METTL15: variants seen among roughly 807,000 people sequenced by gnomAD.
The protein encoded by METTL15 is 12S rRNA N(4)-cytidine methyltransferase METTL15.
METTL15 carries 34 observed loss-of-function variants against 38.3 expected under a neutral mutation model. The observed-to-expected ratio is 0.89, with a 90% CI of 0.68 to 1.18. METTL15 has a LOEUF of 1.18. Among genes scored for constraint, METTL15 ranks in the 50% most tolerant of loss-of-function variants. The probability of loss-of-function intolerance (pLI) is 0.00; values close to 1 mark genes in which losing one functional copy is unlikely to be tolerated. For missense variants in METTL15, 438 were observed against 498.4 expected (o/e 0.88, Z 1.15); for synonymous variants, 162 against 170.9 (o/e 0.95, Z 0.41).
chr11:28,218,847 A>G (rs1401184217), intron 4 of METTL15, among the ~76,000 whole-genome samples: 1 of 152,132 alleles, frequency 6.6e-6, no homozygotes, highest in Non-Finnish European at 1.5e-5. Flanking sequence ...TTCTGTTTAT[A>G]TGCTGGAATA....
At chr11:28,381,885 G>A (rs1231978544) in intron 5 of METTL15, among the ~76,000 whole-genome samples, 1 of 151,710 alleles carries the variant, frequency 6.6e-6, no homozygotes, top group Non-Finnish European at 1.5e-5. Flanking sequence ...TTGTCCACTT[G>A]GGAAGGTCAA....
intron 3 of METTL15, among the ~76,000 whole-genome samples, chr11:28,139,455 A>G (rs1849622949): frequency 1.3e-5 from 2 of 152,340 alleles, no homozygotes; most frequent in Middle Eastern, 3.4e-3. Flanking sequence ...GGGATGGTGC[A>G]GACCATGGGT....
intron 6 of METTL15, among the ~76,000 whole-genome samples, chr11:28,455,996 G>A (rs1203067963): frequency 1.3e-5 from 2 of 152,036 alleles, no homozygotes; most frequent in Non-Finnish European, 1.5e-5. Flanking sequence ...ATGAGCCACC[G>A]CGCCTGGCCT....
At chr11:28,241,877 T>TG (rs1854314877) in intron 4 of METTL15, among the ~76,000 whole-genome samples, 1 of 152,210 alleles carries the variant, frequency 6.6e-6, no homozygotes, top group African/African-American at 2.4e-5. Flanking sequence ...TGTGCTCAGA[T>TG]GACAGATCAT....
intron 4 of METTL15, among the ~76,000 whole-genome samples, chr11:28,280,659 C>G (rs1261901332): frequency 1.4e-5 from 2 of 139,526 alleles, no homozygotes; most frequent in Non-Finnish European, 3.0e-5. Flanking sequence ...CTCACCATGT[C>G]TCTTATGCTT....
At chr11:28,501,755 C>T (rs1305043191) in intron 6 of METTL15, among the ~76,000 whole-genome samples, 1 of 152,162 alleles carries the variant, frequency 6.6e-6, no homozygotes, top group South Asian at 2.1e-4. Flanking sequence ...TCCGTATCAC[C>T]CACTGTGCAG....
chr11:28,526,435 T>TCATAG (rs1462466933), intron 6 of METTL15: 1 of 152,268 alleles, frequency 6.6e-6, no homozygotes, highest in Non-Finnish European at 1.5e-5. Context: ...ATACAATTGC[T>TCATAG]CATAGCATTT....
intron 3 of METTL15, among the ~76,000 whole-genome samples, chr11:28,154,989 CA>C (rs1312187555): frequency 1.3e-5 from 2 of 152,030 alleles, no homozygotes; most frequent in African/African-American, 4.8e-5. Flanking sequence ...TAAGAAACTA[CA>C]AAAGATAGAA....
intron 4 of METTL15, among the ~76,000 whole-genome samples, chr11:28,263,754 T>A (rs1855302387): frequency 6.6e-6 from 1 of 152,108 alleles, no homozygotes; most frequent in Non-Finnish European, 1.5e-5. Context: ...ATTTTTAATA[T>A]AGTCTTTTTA....
intron 4 of METTL15, among the ~76,000 whole-genome samples, chr11:28,354,894 G>T (rs760234293): frequency 2.0e-5 from 3 of 152,176 alleles, no homozygotes; most frequent in Non-Finnish European, 2.9e-5. Flanking sequence ...AGGAGACATG[G>T]AACTAGAAAT....
At chr11:28,122,429 C>T (rs944665666) in intron 3 of METTL15, among the ~76,000 whole-genome samples, 2 of 148,110 alleles carry the variant, frequency 1.4e-5, no homozygotes, top group Non-Finnish European at 3.0e-5. Context: ...TAAAGTGTTA[C>T]TTAATCTCTT....
At chr11:28,417,009 A>T (rs931456693) in intron 5 of METTL15, among the ~76,000 whole-genome samples, 4 of 152,174 alleles carry the variant, frequency 2.6e-5, no homozygotes, top group Admixed American at 2.6e-4. Flanking sequence ...TTACCTCCCC[A>T]CCCATGCCTT....
At chr11:28,204,910 T>G (rs1193973970) in intron 3 of METTL15, among the ~76,000 whole-genome samples, 4 of 151,964 alleles carry the variant, frequency 2.6e-5, no homozygotes, top group Admixed American at 6.6e-5. Context: ...TGAGTTTTGT[T>G]TATAGATAAA....
intron 6 of METTL15, among the ~76,000 whole-genome samples, chr11:28,301,962 G>A (rs1856929125): frequency 6.6e-6 from 1 of 152,210 alleles, no homozygotes; most frequent in African/African-American, 2.4e-5. Flanking sequence ...AGGCTGGAGT[G>A]CAGTGGTGCA....
chr11:28,402,412 G>A (rs758263152), intron 5 of METTL15, among the ~76,000 whole-genome samples: 23 of 151,876 alleles, frequency 1.5e-4, no homozygotes, highest in Non-Finnish European at 3.2e-4. Flanking sequence ...ATAGTCTCCA[G>A]TGATTCTCTG....
At chr11:28,229,440 C>A (rs1853602370) in intron 4 of METTL15, among the ~76,000 whole-genome samples, 2 of 151,944 alleles carry the variant, frequency 1.3e-5, no homozygotes, top group African/African-American at 2.4e-5. Context: ...GAAGGCTATA[C>A]CTGTGCAATG....
At chr11:28,431,651 G>A (rs1235876185) in intron 6 of METTL15, among the ~76,000 whole-genome samples, 3 of 84,264 alleles carry the variant, frequency 3.6e-5, no homozygotes, top group Non-Finnish European at 7.0e-5. Flanking sequence ...GCGGAAGGCC[G>A]CAGGGTCCTC....
chr11:28,507,748 A>G (rs374763199), intron 6 of METTL15, among the ~76,000 whole-genome samples: 11 of 152,200 alleles, frequency 7.2e-5, no homozygotes, highest in African/African-American at 2.4e-4. Flanking sequence ...TATCTAATCA[A>G]TTGGTCCTGT....
intron 6 of METTL15, among the ~76,000 whole-genome samples, chr11:28,425,977 T>A (rs10835329): frequency 0.12 from 17,722 of 152,216 alleles, 1,378 homozygotes; most frequent in East Asian, 0.3. Context: ...GGGGTACATG[T>A]GCAGGTTGTC....
Sources: allele counts gnomAD v4.1 joint callset (sites outside exome capture counted in the v4.1 genomes callset), GRCh38; gene constraint gnomAD v4.1.1; transcripts MANE v1.5; gene names NCBI Gene and HGNC (gene_info 2026-07-23, HGNC 2026-07-21).